Variants in FBXO32 observed in about 807,000 individuals in gnomAD.
The protein encoded by FBXO32 is F-box only protein 32.
FBXO32 carries 15 observed loss-of-function variants against 48.3 expected under a neutral mutation model. The ratio of observed to expected loss-of-function variants is 0.31; its 90% CI spans 0.21 to 0.48. The LOEUF (loss-of-function observed/expected upper bound fraction) is 0.48, where lower values mean the gene tolerates loss of function less well. FBXO32 is among the 20% of genes least tolerant of loss of function. FBXO32 has a pLI of 0.99. For synonymous variants in FBXO32, 154 were observed against 165.9 expected (o/e 0.93, Z 0.55); for missense variants, 309 against 432.7 (o/e 0.71, Z 2.54).
chr8:123,530,773 C>T (rs1289736904), intron 4 of FBXO32, among the ~76,000 whole-genome samples: 1 of 151,592 alleles, frequency 6.6e-6, no homozygotes, highest in Admixed American at 6.6e-5. Context: ...CACCACCACA[C>T]CTGGATAATT....
intron 8 of FBXO32, among the ~76,000 whole-genome samples, chr8:123,503,948 A>T (rs896236629): frequency 2.0e-5 from 3 of 152,090 alleles, no homozygotes; most frequent in African/African-American, 7.2e-5. Context: ...GTGTGGTGGC[A>T]TGTGCCTGTA....
intron 6 of FBXO32, among the ~76,000 whole-genome samples, chr8:123,508,622 C>T (rs1816677356): frequency 6.6e-6 from 1 of 152,202 alleles, no homozygotes. Context: ...GCAGAGCTCT[C>T]AATTGTTTGC....
intron 1 of FBXO32, among the ~76,000 whole-genome samples, chr8:123,536,217 G>A (rs1399224800): frequency 6.6e-6 from 1 of 152,090 alleles, no homozygotes; most frequent in Non-Finnish European, 1.5e-5. Context: ...CATTTATTGA[G>A]TTTCCTACTA....
At chr8:123,528,507 A>G (rs766463360) in intron 4 of FBXO32, among the ~76,000 whole-genome samples, 2 of 152,204 alleles carry the variant, frequency 1.3e-5, no homozygotes, top group Non-Finnish European at 2.9e-5. Context: ...TAGAGATGTG[A>G]AATCTTTCAA....
rs1316922880 is a variant in FBXO32 at position 123,499,583 on chromosome 8, C to T, written c.*3790G>A. 6.6e-6 allele frequency: 1 copy of T among 151,942 alleles called. No homozygotes were observed. The highest frequency in any genetic ancestry group is 1.5e-5 in the Non-Finnish European group (1 of 67,992). The allele number at this position is 151,942 out of a possible 1,614,324, so 9.4% of individuals were successfully genotyped here. A position where few individuals can be genotyped will look rare whatever the true frequency, so the allele number is the denominator to read the frequency against. Reference sequence around the variant, plus strand: ...CACATAAAATAGAGTGTTTGCATAGCAAGACATTATTGCCCTTCAGCCTGG... The same window carrying T: ...CACATAAAATAGAGTGTTTGCATAGTAAGACATTATTGCCCTTCAGCCTGG... On this transcript the variant is annotated 3_prime_UTR_variant, in exon 9 of 9. Coordinates refer to ENST00000517956, the MANE Select transcript of FBXO32 (RefSeq NM_058229.4).
Position 123,503,452 on chromosome 8 carries a change from T to C in FBXO32, c.989A>G (p.His330Arg). The C allele has an allele frequency of 6.2e-7, 1 of 1,613,800 alleles. No individual in the cohort carries two copies. The highest frequency in any genetic ancestry group is 8.5e-7 in the Non-Finnish European group (1 of 1,179,714). The stretch of plus-strand genomic sequence containing the variant: ...CTCTGGGTTATTGGCAGTGCACGGA[T>C]GGTCAGTGCCCTGGAAAGGAACACA... ...CHILSWKGTD[H>R]PCTANNPESC... is the part of the protein sequence containing the mutation. Residue 330 changes from histidine to arginine, a missense_variant, in exon 9 of 9, where the codon CAT (histidine) becomes CGT (arginine). His to Arg is a conservative substitution (Grantham distance 29). Transcript: ENST00000517956.
At chr8:123,522,302 G>C (rs1011264423) in intron 4 of FBXO32, among the ~76,000 whole-genome samples, 3 of 147,794 alleles carry the variant, frequency 2.0e-5, no homozygotes, top group African/African-American at 7.5e-5. Context: ...TCTGCCTTTT[G>C]GGTTCAAATG....
At chr8:123,536,659 C>G (rs1264314186) in intron 1 of FBXO32, among the ~76,000 whole-genome samples, 1 of 152,126 alleles carries the variant, frequency 6.6e-6, no homozygotes, top group African/African-American at 2.4e-5. Flanking sequence ...ACACACAACC[C>G]CCACAAACAA....
In FBXO32 at chr8:123,541,164, G is replaced by T; in HGVS notation, c.-150C>A. The T allele has an allele frequency of 2.5e-6, 1 of 401,578 alleles. No homozygotes were observed. The highest frequency in any genetic ancestry group is 4.0e-5 in the East Asian group (1 of 24,998). The allele number at this position is 401,578 out of a possible 1,614,324, so 24.9% of individuals were successfully genotyped here. A position where few individuals can be genotyped will look rare whatever the true frequency, so the allele number is the denominator to read the frequency against. ...GGCGCGGGGCACCCTGCGGGGTGGC[G>T]GGCGCGGAGAGGATCTCAAGCGTTG... is the stretch of plus-strand genomic sequence containing the variant. On this transcript the variant is annotated 5_prime_UTR_variant, in exon 1 of 9. Coordinates refer to ENST00000517956, the MANE Select transcript of FBXO32 (RefSeq NM_058229.4).
At chr8:123,527,870 G>A (rs911046872) in intron 4 of FBXO32, among the ~76,000 whole-genome samples, 2 of 152,144 alleles carry the variant, frequency 1.3e-5, no homozygotes, top group African/African-American at 4.8e-5. Flanking sequence ...AAAAAAAGAA[G>A]CTTCGAACTT....
chr8:123,516,989 A>G (rs371524739), intron 4 of FBXO32, among the ~76,000 whole-genome samples: 6 of 152,298 alleles, frequency 3.9e-5, no homozygotes, highest in African/African-American at 1.4e-4. Flanking sequence ...GCACAAAGGG[A>G]CTGGCCAAAC....
Position 123,503,405 on chromosome 8 carries a change from G to C in FBXO32, c.1036C>G (p.Pro346Ala). ...NPESCSVSLS[P>A]QDFINLFKF ...TTGAACAAGTTGATAAAGTCCTGGG[G>C]TGAAAGTGAAACGGAGCAGCTCTCT... Residue 346 changes from proline (P) to alanine (A), a missense_variant, in exon 9 of 9, where the codon CCC becomes GCC. By Grantham distance (27) the Pro-to-Ala change is conservative (BLOSUM62 -1). Transcript: ENST00000517956. The C allele has an allele frequency of 6.2e-7, 1 of 1,614,236 alleles. No individual in the cohort carries two copies. Among genetic ancestry groups the C allele is most frequent in the Non-Finnish European group, 8.5e-7 (1 of 1,180,040 alleles).
At chr8:123,509,255 T>G (rs1166905951) in intron 6 of FBXO32, among the ~76,000 whole-genome samples, 1 of 152,266 alleles carries the variant, frequency 6.6e-6, no homozygotes, top group Non-Finnish European at 1.5e-5. Flanking sequence ...GCATTTACTC[T>G]GAAAGTTGAC....
At chr8:123,516,716 C>G (rs959860515) in intron 4 of FBXO32, among the ~76,000 whole-genome samples, 1 of 152,152 alleles carries the variant, frequency 6.6e-6, no homozygotes, top group South Asian at 2.1e-4. Context: ...CACCCCCAAA[C>G]CAAACTCCTT....
At chr8:123,510,322 G>A (rs1304411735) in intron 6 of FBXO32, among the ~76,000 whole-genome samples, 2 of 152,120 alleles carry the variant, frequency 1.3e-5, no homozygotes, top group African/African-American at 2.4e-5. Flanking sequence ...CTCAAATCCT[G>A]CAGTTGGGGC....
At chr8:123,505,368 A>G (rs1816593532) in intron 7 of FBXO32, among the ~76,000 whole-genome samples, 1 of 152,206 alleles carries the variant, frequency 6.6e-6, no homozygotes, top group East Asian at 1.9e-4. Flanking sequence ...TAGTCCCTTC[A>G]TCTGTTTAAA....
At chr8:123,503,734 A>T (rs1238813492) in intron 8 of FBXO32, among the ~76,000 whole-genome samples, 1 of 152,222 alleles carries the variant, frequency 6.6e-6, no homozygotes, top group East Asian at 1.9e-4. Flanking sequence ...TGATAGAAGG[A>T]ATAAGACCTG....
At chr8:123,537,236 G>GA (rs905476810) in intron 1 of FBXO32, among the ~76,000 whole-genome samples, 13 of 146,144 alleles carry the variant, frequency 8.9e-5, no homozygotes, top group Admixed American at 2.7e-4. Flanking sequence ...TGGAGCACAG[G>GA]ATTTTTTTTT....
At chr8:123,511,484 T>TTTTTTTTTTTCCTTGAGATGGAG (rs1816733141) in intron 6 of FBXO32, among the ~76,000 whole-genome samples, 1 of 151,556 alleles carries the variant, frequency 6.6e-6, no homozygotes, top group African/African-American at 2.4e-5. Flanking sequence ...TTTTTTGTTT[T>TTTTTTTTTTTCCTTGAGATGGAG]TTTTTTTTTT....
Sources: allele counts gnomAD v4.1 joint callset (sites outside exome capture counted in the v4.1 genomes callset), GRCh38; gene constraint gnomAD v4.1.1; transcripts MANE v1.5; gene names NCBI Gene and HGNC (gene_info 2026-07-23, HGNC 2026-07-21).